Variants in C1QTNF9B observed in about 807,000 individuals in gnomAD.
C1QTNF9B encodes C1q and TNF related 9B.
In C1QTNF9B, 9 loss-of-function variants were observed where a neutral mutation model predicts 10.1. That is an observed-to-expected ratio of 0.89 (90% CI 0.53 to 1.55). The LOEUF (loss-of-function observed/expected upper bound fraction) is 1.55, where lower values mean the gene tolerates loss of function less well. Among genes scored for constraint, C1QTNF9B ranks in the 40% most tolerant of loss-of-function variants. The probability of loss-of-function intolerance (pLI) is 0.00; values close to 1 mark genes in which losing one functional copy is unlikely to be tolerated. For synonymous variants in C1QTNF9B, 79 were observed against 159.9 expected, an observed-to-expected ratio of 0.49 and a Z score of 3.82; for missense variants, 196 against 414.4, an observed-to-expected ratio of 0.47 and a Z score of 4.58.
chr13:23,893,612 A>G (rs1364917858), intron 2 of C1QTNF9B, among the ~76,000 whole-genome samples: 2 of 152,134 alleles, frequency 1.3e-5, no homozygotes, highest in African/African-American at 2.4e-5. Context: ...AGCTGGGACT[A>G]CAGGCATGTG....
intron 1 of C1QTNF9B, among the ~76,000 whole-genome samples, chr13:23,896,013 C>T (rs535173069): frequency 6.6e-6 from 1 of 152,200 alleles, no homozygotes; most frequent in African/African-American, 2.4e-5. Context: ...AAAAAACTAT[C>T]AGGCCACCAA....
intron 1 of C1QTNF9B, 26 bp downstream of exon 3, chr13:23,896,795 G>A: frequency 6.2e-7 from 1 of 1,612,522 alleles, no homozygotes; most frequent in South Asian, 1.1e-5. Context: ...GAAGCTCAAA[G>A]GCAGCCGAAG....
chr13:23,897,272 T>G, upstream of C1QTNF9B: 6 of 468,838 alleles, frequency 1.3e-5, no homozygotes, highest in Non-Finnish European at 7.5e-6. Context: ...CAGGATACTC[T>G]TCCGTTCATC....
Position 23,892,364 on chromosome 13 carries a change from A to G in C1QTNF9B, c.230-303T>C, listed in dbSNP as rs557898583. 6.6e-5 allele frequency among the ~76,000 whole-genome samples: 10 copies of G among 152,272 alleles called. No homozygotes were observed. In the South Asian group the frequency reaches 1.9e-3, roughly 28 times the overall value. ...ATAAAAAAATAAGAAAATAAAATTC[A>G]ATTACTCCAGCCCAGCTCAGTGGCT... is the stretch of plus-strand genomic sequence containing the variant. On this transcript the variant is annotated intron_variant, in intron 2 of 2. Transcript: ENST00000382137.
In C1QTNF9B at chr13:23,894,000, C is replaced by A. The variant is rs532028566; in HGVS notation, c.229+139G>T. 227 of 1,086,264 alleles carry A rather than the reference C, an allele frequency of 2.1e-4. 1 individual carries two copies. The African/African-American group carries it at 3.2e-3, about 15-fold the overall frequency. 67.3% of individuals were successfully genotyped at this position (1,086,264 alleles called of 1,614,324 possible). On this transcript the variant is annotated intron_variant, in intron 2 of 2. Coordinates refer to ENST00000382137, the Ensembl canonical transcript of C1QTNF9B. ...CCTCTGCAAAGCCTGCCAATCCCTG[C>A]AGAATCCCCCCATCTGGAGAGTAAG...
In C1QTNF9B at chr13:23,892,035, CT is replaced by C. The variant is rs1872016016; in HGVS notation, c.255del (p.Gly86AlafsTer95). ...CTTGAGCCTTGATCACCTTTGATGC[CT>C]TTTGCTTCAACTTTTCCATCTGCTC... On this transcript the variant is annotated frameshift_variant, in exon 3 of 3. Coordinates refer to ENST00000382137, the Ensembl canonical transcript of C1QTNF9B. LOFTEE classifies it low-confidence loss of function (END_TRUNC). The C allele has an allele frequency of 6.2e-7, 1 of 1,613,812 alleles. No homozygotes were observed. The highest frequency in any genetic ancestry group is 1.3e-5 in the African/African-American group (1 of 74,898).
intron 1 of C1QTNF9B, 136 bp downstream of exon 3, chr13:23,896,685 C>T: frequency 7.8e-7 from 1 of 1,278,912 alleles, no homozygotes; most frequent in Non-Finnish European, 1.1e-6. Context: ...TGGGGTCAGG[C>T]TCCAGTGAAT....
upstream of C1QTNF9B, chr13:23,897,433 T>G: frequency 1.1e-5 from 2 of 178,972 alleles, no homozygotes; most frequent in African/African-American, 2.3e-5. Flanking sequence ...GATCCAGCAA[T>G]TCCACTGCTG....
chr13:23,895,681 G>A (rs767942186), intron 1 of C1QTNF9B, among the ~76,000 whole-genome samples: 3 of 151,786 alleles, frequency 2.0e-5, no homozygotes, highest in Admixed American at 6.6e-5. Flanking sequence ...CCTTTTATGT[G>A]TAATATTTTA....
At position 23,897,003 on chromosome 13, in the gene C1QTNF9B, T is replaced by G; in HGVS notation, c.-17A>C. On this transcript the variant is annotated 5_prime_UTR_variant, in exon 1 of 3. Transcript: ENST00000382137. The stretch of plus-strand genomic sequence containing the variant: ...GATCCTCATGGTTCAGATGACAGAC[T>G]GAACTGAAAGAGGGAAACAGAAACC... 1.2e-6 allele frequency: 2 copies of G among 1,613,840 alleles called. 1 individual carries two copies. The highest frequency in any genetic ancestry group is 3.3e-4 in the Middle Eastern group (2 of 6,058).
chr13:23,894,338 C>A, intron 1 of C1QTNF9B, 137 bp from the exon 4 acceptor site: 1 of 846,762 alleles, frequency 1.2e-6, no homozygotes, highest in East Asian at 2.8e-5. Context: ...TCCACACGAG[C>A]GCAGGTGGAG....
intron 2 of C1QTNF9B, among the ~76,000 whole-genome samples, chr13:23,893,618 A>G (rs1872094574): frequency 1.3e-5 from 2 of 152,180 alleles, no homozygotes; most frequent in African/African-American, 2.4e-5. Flanking sequence ...GACTACAGGC[A>G]TGTGCCACCA....
intron 1 of C1QTNF9B, among the ~76,000 whole-genome samples, chr13:23,896,461 G>A (rs1415931743): frequency 2.0e-5 from 3 of 152,186 alleles, no homozygotes; most frequent in Non-Finnish European, 2.9e-5. Context: ...TATTGGCCTC[G>A]TGTTGCCAAA....
At chr13:23,897,223 C>T (rs1324696651), upstream of C1QTNF9B, 2 of 517,594 alleles carry the variant, frequency 3.9e-6, no homozygotes. Context: ...AACCACTCTT[C>T]AAGCTGAACG....
chr13:23,897,307 TC>T (rs1872237555), upstream of C1QTNF9B: 1 of 435,226 alleles, frequency 2.3e-6, no homozygotes, highest in African/African-American at 1.9e-5. Flanking sequence ...AAATCACTTC[TC>T]TTAACCACAG....
chr13:23,897,075 C>T (rs1872230546), upstream of C1QTNF9B: 2 of 1,570,360 alleles, frequency 1.3e-6, no homozygotes, highest in African/African-American at 1.3e-5. Context: ...AGCCTCCGTT[C>T]TGTGCAGTGG....
Position 23,896,902 on chromosome 13 carries a change from C to A in C1QTNF9B, c.85G>T (p.Gly29Ter). ...TTGTGACCGGGGTTCCCAGGGATTC[C>A]AGGGTGCCCTTGCCTGCAGGTGTCC... The change falls in exon 1 of 3, where the codon GGA becomes TGA. Residue 29 changes from glycine (G) to a stop codon, truncating the protein, a stop_gained. Coordinates refer to ENST00000382137, the Ensembl canonical transcript of C1QTNF9B. LOFTEE classifies it high-confidence loss of function. 1 of 1,614,068 alleles carries A rather than the reference C, an allele frequency of 6.2e-7. No individual in the cohort carries two copies. Among genetic ancestry groups the A allele is most frequent in the African/African-American group, 1.3e-5 (1 of 75,034 alleles).
chr13:23,892,806 A>G (rs1175437573), intron 2 of C1QTNF9B, among the ~76,000 whole-genome samples: 9 of 152,226 alleles, frequency 5.9e-5, no homozygotes, highest in Non-Finnish European at 1.0e-4. Flanking sequence ...TAAGTCTACC[A>G]TGCTGGCTAT....
chr13:23,893,831 T>C (rs1393437500), intron 2 of C1QTNF9B, among the ~76,000 whole-genome samples: 5 of 152,142 alleles, frequency 3.3e-5, no homozygotes, highest in Non-Finnish European at 7.4e-5. Flanking sequence ...CCATGGGAAA[T>C]TCCCATTTCA....
Sources: gnomAD v4.1 joint callset for allele counts (sites outside exome capture counted in the v4.1 genomes callset) on GRCh38, gnomAD v4.1.1 for gene constraint, MANE v1.5 for transcripts, NCBI Gene and HGNC (gene_info 2026-07-23, HGNC 2026-07-21) for gene names.